The following LIPC variants were observed in gnomAD, a reference collection of about 807,000 sequenced individuals.
LIPC encodes the protein lipase C, hepatic type.
LIPC carries 44 observed loss-of-function variants against 50.7 expected under a neutral mutation model. The ratio of observed to expected loss-of-function variants is 0.87; its 90% CI spans 0.68 to 1.11. The LOEUF (loss-of-function observed/expected upper bound fraction) is 1.11. Ranked by LOEUF, LIPC falls within the 50% of genes most tolerant of loss-of-function variation. The pLI, the probability that LIPC is intolerant of heterozygous loss-of-function variation, is 0.00. For missense variants in LIPC, 697 were observed against 648.2 expected, an observed-to-expected ratio of 1.08 and a Z score of -0.82; for synonymous variants, 271 against 256.4, an observed-to-expected ratio of 1.06 and a Z score of -0.54.
Position 58,542,505 on chromosome 15 carries a change from C to A in LIPC, c.457-29C>A, listed in dbSNP as rs568040695. The A allele has an allele frequency of 4.1e-6, 6 of 1,451,062 alleles. No homozygotes were observed. The Admixed American group carries it at 8.4e-5, about 20-fold the overall frequency. 89.9% of individuals were successfully genotyped at this position (1,451,062 alleles called of 1,614,324 possible). A position where few individuals can be genotyped will look rare whatever the true frequency, so the allele number is the denominator to read the frequency against. On this transcript the variant is annotated intron_variant, in intron 3 of 8. Coordinates refer to ENST00000299022, the MANE Select transcript of LIPC (RefSeq NM_000236.3). Reference sequence around the variant, plus strand: ...AGGCTTTCATCCAGGCAGCTCTTCTCCTGCCCCCATCCCGCTGCTGTCTTC... The same window carrying A: ...AGGCTTTCATCCAGGCAGCTCTTCTACTGCCCCCATCCCGCTGCTGTCTTC...
intron 6 of LIPC, among the ~76,000 whole-genome samples, chr15:58,558,454 A>G (rs1894034840): frequency 6.6e-6 from 1 of 152,152 alleles, no homozygotes; most frequent in Non-Finnish European, 1.5e-5. Context: ...GGATTTGAGC[A>G]TCTATTGTAT....
chr15:58,506,151 C>T (rs568638422), intron 1 of LIPC, among the ~76,000 whole-genome samples: 2 of 152,194 alleles, frequency 1.3e-5, no homozygotes, highest in Non-Finnish European at 2.9e-5. Context: ...AAACACACAC[C>T]TGTGGGGCTC....
chr15:58,477,448 G>C (rs1251504970), intron 1 of LIPC, among the ~76,000 whole-genome samples: 1 of 152,218 alleles, frequency 6.6e-6, no homozygotes, highest in African/African-American at 2.4e-5. Context: ...TGAGAGAGGG[G>C]AAGTGTGGGT....
chr15:58,526,168 G>A (rs748870430), intron 1 of LIPC, among the ~76,000 whole-genome samples: 7 of 152,198 alleles, frequency 4.6e-5, no homozygotes, highest in East Asian at 1.9e-4. Context: ...CAGCTGCTCT[G>A]GGAATGGCAC....
chr15:58,569,423 G>A lies in LIPC; in HGVS notation c.*596G>A, dbSNP rs1156250150. On this transcript the variant is annotated 3_prime_UTR_variant, in exon 9 of 9. Coordinates refer to ENST00000299022, the MANE Select transcript of LIPC (RefSeq NM_000236.3). ...TGTGATAACAGTGAAAGCTAGACAT[G>A]TGGTCATTTTAATAATGGAATTACA... The A allele has an allele frequency of 6.6e-6, 1 of 152,122 alleles. No individual in the cohort carries two copies. Among genetic ancestry groups the A allele is most frequent in the Non-Finnish European group, 1.5e-5 (1 of 68,024 alleles). The allele number at this position is 152,122 out of a possible 1,614,324, so 9.4% of individuals were successfully genotyped here.
chr15:58,506,260 G>A (rs1344893798), intron 1 of LIPC, among the ~76,000 whole-genome samples: 1 of 152,168 alleles, frequency 6.6e-6, no homozygotes, highest in Non-Finnish European at 1.5e-5. Flanking sequence ...GGGCAAGGGT[G>A]TTGTTTTGCT....
At position 58,493,570 on chromosome 15, in the gene LIPC, T is replaced by G. The variant is rs199916385; in HGVS notation, c.89-44763T>G. On this transcript the variant is annotated intron_variant, in intron 1 of 8. Transcript: ENST00000299022. ...AAAATTTATTACATATAAATAAAAT[T>G]TATACAAAATTTATTACGTATAAAT... 2.6e-3 allele frequency among the ~76,000 whole-genome samples: 42 copies of G among 16,292 alleles called. 1 individual carries two copies. Among genetic ancestry groups the G allele is most frequent in the Non-Finnish European group, 5.9e-3 (32 of 5,434 alleles). The allele number at this position is 16,292 out of a possible 152,430, so 10.7% of individuals were successfully genotyped here. A position where few individuals can be genotyped will look rare whatever the true frequency, so the allele number is the denominator to read the frequency against.
rs148968484 is a variant in LIPC at position 58,433,938 on chromosome 15, G to A, written c.88+1818G>A. ...TCTGTGTGCATGTGGCTGGTATGATGTCTTTCTGGGGAAACCGCAGGGAAG... is the reference window on the plus strand; with the variant it reads ...TCTGTGTGCATGTGGCTGGTATGATATCTTTCTGGGGAAACCGCAGGGAAG... On this transcript the variant is annotated intron_variant, in intron 1 of 8. Coordinates refer to ENST00000299022, the MANE Select transcript of LIPC (RefSeq NM_000236.3). 1.2e-3 allele frequency among the ~76,000 whole-genome samples: 180 copies of A among 152,332 alleles called. 1 individual carries two copies. Among genetic ancestry groups the A allele is most frequent in the African/African-American group, 4.2e-3 (174 of 41,584 alleles).
chr15:58,453,974 A>G (rs1305453537), intron 1 of LIPC, among the ~76,000 whole-genome samples: 1 of 152,218 alleles, frequency 6.6e-6, no homozygotes, highest in Non-Finnish European at 1.5e-5. Flanking sequence ...GCTATTTGCA[A>G]TGCGTCTTCA....
chr15:58,454,212 C>G (rs1210547619), intron 1 of LIPC: 1 of 152,188 alleles, frequency 6.6e-6, no homozygotes, highest in Non-Finnish European at 1.5e-5. Context: ...AGCAAATAAC[C>G]AGAGAAATAG....
intron 1 of LIPC, chr15:58,436,945 C>T (rs17190517): frequency 0.38 from 172,017 of 448,786 alleles, 36,956 homozygotes; most frequent in Middle Eastern, 0.52. Context: ...TCCCATAGAA[C>T]GGTGTTGATA....
intron 1 of LIPC, among the ~76,000 whole-genome samples, chr15:58,496,424 G>T (rs1891765801): frequency 6.6e-6 from 1 of 152,050 alleles, no homozygotes. Flanking sequence ...TTCATCCTTG[G>T]CTCCAGTGCT....
chr15:58,479,629 G>T lies in LIPC; in HGVS notation c.88+47509G>T, dbSNP rs1470588569. Among the ~76,000 whole-genome samples the T allele has an allele frequency of 2.5e-4, 38 of 152,180 alleles. 2 individuals are homozygous for T. ...AATTTGTAGGAAAAAAATACTGCTTGCATCAGGCATGAAATTTAAGACCAC... is the reference window on the plus strand; with the variant it reads ...AATTTGTAGGAAAAAAATACTGCTTTCATCAGGCATGAAATTTAAGACCAC... On this transcript the variant is annotated intron_variant, in intron 1 of 8. Transcript: ENST00000299022.
At chr15:58,474,042 C>G (rs182167953) in intron 1 of LIPC, 2 of 152,362 alleles carry the variant, frequency 1.3e-5, no homozygotes, top group East Asian at 1.9e-4. Flanking sequence ...TCAGCAAAGA[C>G]GTACTGTGAG....
intron 1 of LIPC, among the ~76,000 whole-genome samples, chr15:58,491,814 A>G (rs1157974182): frequency 1.3e-5 from 2 of 152,194 alleles, no homozygotes; most frequent in Non-Finnish European, 2.9e-5. Flanking sequence ...GGGCTGGGGT[A>G]CCACAGGACT....
intron 1 of LIPC, among the ~76,000 whole-genome samples, chr15:58,480,488 T>G (rs1428030011): frequency 2.6e-5 from 4 of 152,092 alleles, no homozygotes; most frequent in African/African-American, 9.7e-5. Flanking sequence ...AGAGATGAGG[T>G]TTCACTATGT....
intron 1 of LIPC, among the ~76,000 whole-genome samples, chr15:58,515,072 AG>A (rs1378789884): frequency 6.6e-6 from 1 of 152,144 alleles, no homozygotes; most frequent in Non-Finnish European, 1.5e-5. Flanking sequence ...ATATCTTTAA[AG>A]CCAGCAGCAT....
At chr15:58,499,784 G>T (rs1891910068) in intron 1 of LIPC, among the ~76,000 whole-genome samples, 1 of 152,098 alleles carries the variant, frequency 6.6e-6, no homozygotes, top group African/African-American at 2.4e-5. Flanking sequence ...GTATAGCCCT[G>T]GTCTAAGTGA....
intron 1 of LIPC, among the ~76,000 whole-genome samples, chr15:58,526,006 G>A (rs150588850): frequency 6.6e-6 from 1 of 152,280 alleles, no homozygotes; most frequent in African/African-American, 2.4e-5. Context: ...CTGTAAACGT[G>A]CCCAGAATTG....
Sources: gnomAD v4.1 joint callset for allele counts (sites outside exome capture counted in the v4.1 genomes callset) on GRCh38, gnomAD v4.1.1 for gene constraint, MANE v1.5 for transcripts, NCBI Gene and HGNC (gene_info 2026-07-23, HGNC 2026-07-21) for gene names.